OR6N1: variants seen among roughly 807,000 people sequenced by gnomAD.
OR6N1 encodes olfactory receptor 6N1.
For missense variants in OR6N1, 394 were observed against 371.7 expected, an observed-to-expected ratio of 1.06 and a Z score of -0.49; for synonymous variants, 170 against 150.7, an observed-to-expected ratio of 1.13 and a Z score of -0.94.
the OR6N1 span, among the ~76,000 whole-genome samples, chr1:158,833,292 A>G: frequency 6.6e-6 from 1 of 152,212 alleles, no homozygotes; most frequent in Non-Finnish European, 1.5e-5. Flanking sequence ...AGCTTCTGAA[A>G]GCTTTGAATA....
the OR6N1 span, among the ~76,000 whole-genome samples, chr1:158,789,357 A>T: frequency 6.6e-6 from 1 of 152,202 alleles, no homozygotes; most frequent in Non-Finnish European, 1.5e-5. Flanking sequence ...ATATATACAC[A>T]GTAGTGGGAT....
At chr1:158,832,870 T>C in the OR6N1 span, among the ~76,000 whole-genome samples, 3 of 152,090 alleles carry the variant, frequency 2.0e-5, no homozygotes, top group Non-Finnish European at 1.5e-5. Flanking sequence ...TCCTAGTTGA[T>C]GAGTTTAGTC....
In OR6N1 at chr1:158,768,902, T is replaced by C. The variant is rs117230893; in HGVS notation, c.-18-2202A>G. On this transcript the variant is annotated intron_variant, in intron 1 of 1. Transcript: ENST00000641846. ...CTAACCTGTAAAATGTACTTATTTC[T>C]TATTCCTATTGTTTATTGGTTCTCT... Among the ~76,000 whole-genome samples the C allele has an allele frequency of 1.7e-3, 259 of 152,330 alleles. 8 individuals carry two copies. In the East Asian group the frequency reaches 0.047, roughly 28 times the overall value.
the OR6N1 span, among the ~76,000 whole-genome samples, chr1:158,782,756 C>A: frequency 1.3e-5 from 2 of 152,094 alleles, no homozygotes; most frequent in Non-Finnish European, 1.5e-5. Context: ...AGCTAGAAGA[C>A]AATATATTTT....
At chr1:158,801,192 T>G in the OR6N1 span, among the ~76,000 whole-genome samples, 1 of 146,592 alleles carries the variant, frequency 6.8e-6, no homozygotes, top group African/African-American at 2.6e-5. Context: ...TGTGTGTGTG[T>G]GGTCTGTCTG....
At chr1:158,777,280 G>T in the OR6N1 span, 1 of 1,614,106 alleles carries the variant, frequency 6.2e-7, no homozygotes, top group Non-Finnish European at 8.5e-7. Flanking sequence ...TCTATCATAG[G>T]CCATGGCTGT....
chr1:158,812,779 A>G, the OR6N1 span, among the ~76,000 whole-genome samples: 4 of 152,340 alleles, frequency 2.6e-5, no homozygotes, highest in Admixed American at 6.5e-5. Flanking sequence ...TGTGATTGGA[A>G]GGTTAGAAAA....
chr1:158,776,863 A>T, upstream of OR6N1: 1 of 1,614,202 alleles, frequency 6.2e-7, no homozygotes, highest in Non-Finnish European at 8.5e-7. Flanking sequence ...CCGCACATAC[A>T]TGAAGATGAT....
the OR6N1 span, among the ~76,000 whole-genome samples, chr1:158,793,387 C>G: frequency 6.6e-6 from 1 of 152,102 alleles, no homozygotes; most frequent in African/African-American, 2.4e-5. Context: ...TGGGTTCCTT[C>G]ACATTTTGCT....
chr1:158,801,221 A>G, the OR6N1 span, among the ~76,000 whole-genome samples: 2 of 151,954 alleles, frequency 1.3e-5, no homozygotes, highest in African/African-American at 4.8e-5. Flanking sequence ...TGTGAAGAAG[A>G]GAAAAAGGTG....
the OR6N1 span, chr1:158,777,486 T>G: frequency 6.2e-7 from 1 of 1,614,144 alleles, no homozygotes; most frequent in South Asian, 1.1e-5. Flanking sequence ...CTGCATCCAG[T>G]CGGATGACTG....
the OR6N1 span, among the ~76,000 whole-genome samples, chr1:158,830,693 T>C: frequency 0.086 from 13,054 of 152,254 alleles, 663 homozygotes; most frequent in East Asian, 0.12. Flanking sequence ...AGTCATGATA[T>C]GAACCAACTA....
At chr1:158,798,184 A>G in the OR6N1 span, among the ~76,000 whole-genome samples, 1 of 151,110 alleles carries the variant, frequency 6.6e-6, no homozygotes, top group Non-Finnish European at 1.5e-5. Flanking sequence ...GTTTATTTTT[A>G]TTTTTAGGAA....
the OR6N1 span, among the ~76,000 whole-genome samples, chr1:158,823,886 C>T: frequency 6.6e-6 from 1 of 152,114 alleles, no homozygotes; most frequent in East Asian, 1.9e-4. Flanking sequence ...TTAGCTTTGT[C>T]CCAGAGATTC....
chr1:158,781,463 C>T, the OR6N1 span, among the ~76,000 whole-genome samples: 3 of 152,146 alleles, frequency 2.0e-5, no homozygotes, highest in Non-Finnish European at 2.9e-5. Context: ...TGTCTCATCA[C>T]CCTCCCTTGC....
the OR6N1 span, chr1:158,777,496 G>C: frequency 6.2e-7 from 1 of 1,614,174 alleles, no homozygotes; most frequent in South Asian, 1.1e-5. Context: ...TCGGATGACT[G>C]AGAAGATGAG....
At chr1:158,815,113 G>A in the OR6N1 span, among the ~76,000 whole-genome samples, 1 of 152,172 alleles carries the variant, frequency 6.6e-6, no homozygotes, top group South Asian at 2.1e-4. Context: ...AGAGAGGTAA[G>A]CCTGGAGCAC....
At chr1:158,799,297 G>A in the OR6N1 span, among the ~76,000 whole-genome samples, 1,938 of 152,210 alleles carry the variant, frequency 0.013, 18 homozygotes, top group African/African-American at 0.022. Context: ...TTGGCATTAC[G>A]TTTAGACCTT....
chr1:158,794,968 C>T, the OR6N1 span, among the ~76,000 whole-genome samples: 13 of 152,104 alleles, frequency 8.5e-5, no homozygotes, highest in Non-Finnish European at 1.6e-4. Flanking sequence ...CATGGAATTC[C>T]TAAACATCTT....
Sources: allele counts gnomAD v4.1 joint callset (sites outside exome capture counted in the v4.1 genomes callset), GRCh38; gene constraint gnomAD v4.1.1; transcripts MANE v1.5; gene names NCBI Gene and HGNC (gene_info 2026-07-23, HGNC 2026-07-21).